Variants in CD86 observed in about 807,000 individuals in gnomAD.
The protein encoded by CD86 is CD86 molecule, also known as T-lymphocyte activation antigen CD86.
A neutral mutation model predicts 32.1 loss-of-function variants in CD86; 11 were observed. The observed-to-expected ratio is 0.34, with a 90% CI of 0.22 to 0.57. The LOEUF (loss-of-function observed/expected upper bound fraction) is 0.57. CD86 is among the 20% of genes least tolerant of loss of function. CD86 has a pLI of 0.86. For synonymous variants in CD86, 137 were observed against 135.3 expected (o/e 1.01, Z -0.09); for missense variants, 359 against 398.4 (o/e 0.90, Z 0.84).
chr3:122,108,708 T>G (rs142479330), intron 4 of CD86, among the ~76,000 whole-genome samples: 1 of 152,266 alleles, frequency 6.6e-6, no homozygotes, highest in Non-Finnish European at 1.5e-5. Flanking sequence ...TGAGATATGC[T>G]GAAAGCCATG....
At chr3:122,069,448 G>T (rs2107505795) in intron 1 of CD86, among the ~76,000 whole-genome samples, 1 of 152,288 alleles carries the variant, frequency 6.6e-6, no homozygotes, top group Middle Eastern at 3.4e-3. Flanking sequence ...GTGATTGCCA[G>T]TTCCTATGCA....
At position 122,055,503 on chromosome 3, in the gene CD86, G is replaced by A. The variant is rs2072220268; in HGVS notation, c.14G>A (p.Cys5Tyr). The part of the protein sequence containing the change: MDPQ[C>Y]TMGLSNILFV... ...GAAGCAGCCAAAATGGATCCCCAGTGGTGAGTAATAATTCTTATTCTTTGC... is the reference window on the plus strand; with the variant it reads ...GAAGCAGCCAAAATGGATCCCCAGTAGTGAGTAATAATTCTTATTCTTTGC... Residue 5 changes from cysteine to tyrosine, a missense_variant and splice_region_variant, in exon 1 of 7, where the codon TGC becomes TAC. Physicochemically the swap from Cys to Tyr is radical, Grantham distance 194. Transcript: ENST00000330540. 2.5e-6 allele frequency: 4 copies of A among 1,613,836 alleles called. No homozygotes were observed. Among genetic ancestry groups the A allele is most frequent in the Non-Finnish European group, 1.7e-6 (2 of 1,179,836 alleles).
chr3:122,058,113 T>C (rs1321795095), intron 1 of CD86, among the ~76,000 whole-genome samples: 2 of 152,242 alleles, frequency 1.3e-5, no homozygotes, highest in African/African-American at 2.4e-5. Flanking sequence ...TCAGGAATTG[T>C]TAGTAGTTTT....
intron 5 of CD86, among the ~76,000 whole-genome samples, chr3:122,112,457 C>T (rs1363527031): frequency 3.3e-5 from 5 of 152,142 alleles, no homozygotes; most frequent in Non-Finnish European, 4.4e-5. Flanking sequence ...GCTGGGACTA[C>T]AGGCACGTGC....
At chr3:122,070,688 G>A (rs544762389) in intron 1 of CD86, among the ~76,000 whole-genome samples, 26 of 152,194 alleles carry the variant, frequency 1.7e-4, no homozygotes, top group African/African-American at 6.0e-4. Context: ...TTTACCTAAG[G>A]AATTGACATA....
Position 122,087,330 on chromosome 3 carries a change from T to G in CD86, c.15-4271T>G, listed in dbSNP as rs1192349129. 8.5e-5 allele frequency among the ~76,000 whole-genome samples: 13 copies of G among 152,218 alleles called. No individual in the cohort carries two copies. The East Asian group carries it at 2.5e-3, about 29-fold the overall frequency. The stretch of plus-strand genomic sequence containing the variant: ...AGGTTCTTTCCTCTTCCATTCCCCT[T>G]TTTGCTCTCTCCCTCCGAAGGCAAG... On this transcript the variant is annotated intron_variant, in intron 1 of 6. Coordinates refer to ENST00000330540, the MANE Select transcript of CD86 (RefSeq NM_175862.5).
At chr3:122,102,381 C>T (rs1029602612) in intron 2 of CD86, among the ~76,000 whole-genome samples, 12 of 150,778 alleles carry the variant, frequency 8.0e-5, no homozygotes, top group African/African-American at 2.7e-4. Context: ...TCTCCACCCC[C>T]GCACTTCTCA....
intron 5 of CD86, among the ~76,000 whole-genome samples, chr3:122,111,437 C>G (rs1400470363): frequency 6.6e-6 from 1 of 152,176 alleles, no homozygotes; most frequent in Admixed American, 6.5e-5. Context: ...GTGATTAAGG[C>G]ACCAAGCTTG....
At chr3:122,055,798 A>T (rs2072224813) in intron 1 of CD86, among the ~76,000 whole-genome samples, 1 of 152,220 alleles carries the variant, frequency 6.6e-6, no homozygotes, top group Non-Finnish European at 1.5e-5. Context: ...AGGAATTTTT[A>T]AAATATCTGC....
Position 122,112,859 on chromosome 3 carries a change from T to C in CD86, c.847+3451T>C, listed in dbSNP as rs142137075. ...TTCTTTTTCAAAATTTTTATTTGAA[T>C]AGTTTTTTGGGAACTACTGAACTAA... On this transcript the variant is annotated intron_variant, in intron 5 of 6. Coordinates refer to ENST00000330540, the MANE Select transcript of CD86 (RefSeq NM_175862.5). Among the ~76,000 whole-genome samples the C allele has an allele frequency of 5.9e-5, 9 of 152,346 alleles. No homozygotes were observed. In the East Asian group the frequency reaches 1.3e-3, roughly 23 times the overall value.
chr3:122,103,851 T>C lies in CD86; in HGVS notation c.400+4T>C. 1 of 1,607,274 alleles carries C rather than the reference T, an allele frequency of 6.2e-7. No homozygotes were observed. Among genetic ancestry groups the C allele is most frequent in the Non-Finnish European group, 8.5e-7 (1 of 1,174,640 alleles). ...AATTCTGAACTGTCAGTGCTTGGTA[T>C]GTGGTCAATGGTGTGTGTTCAGATT... On this transcript the variant is annotated splice_donor_region_variant and intron_variant, in intron 3 of 6. Transcript: ENST00000330540.
intron 1 of CD86, among the ~76,000 whole-genome samples, chr3:122,082,042 C>T (rs2072641915): frequency 6.6e-6 from 1 of 152,172 alleles, no homozygotes; most frequent in South Asian, 2.1e-4. Flanking sequence ...TCTCCTTATT[C>T]CTGGAAATGT....
intron 1 of CD86, among the ~76,000 whole-genome samples, chr3:122,087,011 A>G (rs150278302): frequency 6.6e-6 from 1 of 152,194 alleles, no homozygotes; most frequent in East Asian, 1.9e-4. Flanking sequence ...CCTCTCTGAG[A>G]CTCCATTCCT....
chr3:122,099,891 A>G (rs1246015986), intron 2 of CD86, among the ~76,000 whole-genome samples: 2 of 152,170 alleles, frequency 1.3e-5, no homozygotes, highest in African/African-American at 4.8e-5. Flanking sequence ...TGTGGAAAAC[A>G]CTGCACTACA....
rs1576782130 is a variant in CD86 at position 122,103,830 on chromosome 3, C to A, written c.383C>A (p.Ser128Tyr). The A allele has an allele frequency of 1.9e-6, 3 of 1,613,270 alleles. No individual in the cohort carries two copies. Among genetic ancestry groups the A allele is most frequent in the South Asian group, 1.1e-5 (1 of 91,020 alleles). Residue 128 changes from serine (S) to tyrosine (Y), a missense_variant, in exon 3 of 7, where the codon TCT (serine) becomes TAT (tyrosine). Physicochemically the swap from Ser to Tyr is moderately radical, Grantham distance 144. Coordinates refer to ENST00000330540, the MANE Select transcript of CD86 (RefSeq NM_175862.5). Reference sequence around the variant, plus strand: ...ATGATTCGCATCCACCAGATGAATTCTGAACTGTCAGTGCTTGGTATGTGG... The same window carrying A: ...ATGATTCGCATCCACCAGATGAATTATGAACTGTCAGTGCTTGGTATGTGG... ...TGMIRIHQMN[S>Y]ELSVLANFSQ... is the part of the protein sequence containing the mutation.
rs1224310134 is a variant in CD86, at chr3:122,120,786, A to C, written c.*1252A>C. On this transcript the variant is annotated 3_prime_UTR_variant, in exon 7 of 7. Transcript: ENST00000330540. ...TGGGCTGGCCCAGCATAGGGCTAGC[A>C]AATTTGAGTTGGATGATTGTTTTTG... is the stretch of plus-strand genomic sequence containing the variant. 1 of 152,678 alleles carries C rather than the reference A, an allele frequency of 6.5e-6. No individual in the cohort carries two copies. The highest frequency in any genetic ancestry group is 1.5e-5 in the Non-Finnish European group (1 of 68,316). 9.5% of individuals were successfully genotyped at this position (152,678 alleles called of 1,614,324 possible). A position where few individuals can be genotyped will look rare whatever the true frequency, so the allele number is the denominator to read the frequency against.
chr3:122,105,682 G>A lies in CD86; in HGVS notation c.401-516G>A, dbSNP rs891090942. ...GCCAAAAATCAGTGTTCTGAATTTCGAATTCCAAAATATCCACCCACTCAC... is the reference window on the plus strand; with the variant it reads ...GCCAAAAATCAGTGTTCTGAATTTCAAATTCCAAAATATCCACCCACTCAC... On this transcript the variant is annotated intron_variant, in intron 3 of 6. Coordinates refer to ENST00000330540, the MANE Select transcript of CD86 (RefSeq NM_175862.5). 4.6e-5 allele frequency among the ~76,000 whole-genome samples: 7 copies of A among 152,196 alleles called. No individual in the cohort carries two copies. The Middle Eastern group carries it at 0.01, about 222-fold the overall frequency.
At chr3:122,115,146 C>T (rs2073230457) in intron 5 of CD86, among the ~76,000 whole-genome samples, 1 of 152,060 alleles carries the variant, frequency 6.6e-6, no homozygotes, top group Non-Finnish European at 1.5e-5. Context: ...CCTATTAAAA[C>T]TGATAAGTGA....
chr3:122,072,562 C>G (rs1217751522), intron 1 of CD86, among the ~76,000 whole-genome samples: 1 of 152,006 alleles, frequency 6.6e-6, no homozygotes, highest in African/African-American at 2.4e-5. Context: ...CCCTTGCCCA[C>G]TTTTTGATGG....
Sources: gnomAD v4.1 joint callset for allele counts (sites outside exome capture counted in the v4.1 genomes callset) on GRCh38, gnomAD v4.1.1 for gene constraint, MANE v1.5 for transcripts, NCBI Gene and HGNC (gene_info 2026-07-23, HGNC 2026-07-21) for gene names.